Variants in TLL2 observed in about 807,000 individuals in gnomAD.
TLL2 encodes tolloid-like protein 2.
TLL2 carries 106 observed loss-of-function variants against 123.0 expected under a neutral mutation model. That is an observed-to-expected ratio of 0.86 (90% confidence interval 0.74 to 1.01). TLL2 has a LOEUF of 1.01. Ranked by LOEUF, TLL2 falls within the 50% of genes least tolerant of loss-of-function variation. The pLI is 0.00. For synonymous variants in TLL2, 494 were observed against 516.8 expected (o/e 0.96, Z 0.60); for missense variants, 1,332 against 1,336.7 (o/e 1.00, Z 0.06).
In TLL2 at chr10:96,370,191, G is replaced by A. The variant is rs973244513; in HGVS notation, c.2787C>T (p.Tyr929=). ...AGGTCCGGAATGTCAGCTCCACGCC[G>A]TAGCCGTCCTCTGCCACGATCACCC... ...CDWVIVAEDG[Y]GVELTFRTFE... is the part of the protein sequence containing the mutation. Residue 929 remains tyrosine (Y), a synonymous_variant, in exon 20 of 21, where the codon TAC becomes TAT. Transcript: ENST00000357947. 8 of 1,614,032 alleles carry A rather than the reference G, an allele frequency of 5.0e-6. No homozygotes were observed. Among genetic ancestry groups the A allele is most frequent in the Admixed American group, 1.7e-5 (1 of 60,000 alleles).
chr10:96,392,295 C>T (rs1163284716), intron 13 of TLL2, among the ~76,000 whole-genome samples: 1 of 152,132 alleles, frequency 6.6e-6, no homozygotes, highest in Non-Finnish European at 1.5e-5. Flanking sequence ...CTGGCATCTC[C>T]AGTAAGTTTT....
At chr10:96,373,090 A>G (rs1386421501) in intron 19 of TLL2, 1 of 153,620 alleles carries the variant, frequency 6.5e-6, no homozygotes, top group African/African-American at 2.4e-5. Flanking sequence ...GCGTCAATTA[A>G]GGACATTGAA....
chr10:96,444,529 G>C (rs1178398424), intron 3 of TLL2, among the ~76,000 whole-genome samples: 1 of 152,146 alleles, frequency 6.6e-6, no homozygotes, highest in Non-Finnish European at 1.5e-5. Flanking sequence ...GCCTGTATCT[G>C]TATTTATGTT....
intron 3 of TLL2, among the ~76,000 whole-genome samples, chr10:96,436,054 A>G (rs527641470): frequency 9.8e-5 from 15 of 152,292 alleles, no homozygotes; most frequent in Admixed American, 9.8e-4. Flanking sequence ...CTAATAACCT[A>G]TTCTTCATGG....
At position 96,367,725 on chromosome 10, in the gene TLL2, C is replaced by A. The variant is rs2134048001; in HGVS notation, c.*363G>T. 5.2e-6 allele frequency: 1 copy of A among 192,682 alleles called. No individual in the cohort carries two copies. The highest frequency in any genetic ancestry group is 1.1e-4 in the South Asian group (1 of 8,806). 11.9% of individuals were successfully genotyped at this position (192,682 alleles called of 1,614,324 possible). On this transcript the variant is annotated 3_prime_UTR_variant, in exon 21 of 21. Transcript: ENST00000357947. ...CAGCCTGGCACCTTTGCAAGCAAGT[C>A]CAGATTAGAGGAACGGCCAACCCCA...
chr10:96,420,581 C>T (rs1305255773), intron 7 of TLL2, among the ~76,000 whole-genome samples: 1 of 152,208 alleles, frequency 6.6e-6, no homozygotes, highest in Non-Finnish European at 1.5e-5. Flanking sequence ...TTCCAATAAA[C>T]CAAACCTCTG....
At chr10:96,458,459 C>T (rs572541074) in intron 2 of TLL2, among the ~76,000 whole-genome samples, 3 of 151,912 alleles carry the variant, frequency 2.0e-5, no homozygotes, top group Non-Finnish European at 2.9e-5. Flanking sequence ...TGGTGGTGGG[C>T]GCCTGTAATC....
intron 10 of TLL2, among the ~76,000 whole-genome samples, chr10:96,399,297 C>T (rs1383046732): frequency 1.3e-5 from 2 of 152,006 alleles, no homozygotes; most frequent in African/African-American, 4.8e-5. Flanking sequence ...TTTTTAAAGT[C>T]CAATTCACAG....
intron 1 of TLL2, among the ~76,000 whole-genome samples, chr10:96,500,267 G>C (rs1280990500): frequency 1.3e-5 from 2 of 152,008 alleles, no homozygotes; most frequent in Non-Finnish European, 2.9e-5. Context: ...GCAGTGAGCT[G>C]TGATTGCGCC....
At chr10:96,489,795 T>C (rs1847393159) in intron 1 of TLL2, among the ~76,000 whole-genome samples, 1 of 152,136 alleles carries the variant, frequency 6.6e-6, no homozygotes, top group Non-Finnish European at 1.5e-5. Flanking sequence ...GTAAAAATTC[T>C]ATTCAAAATA....
chr10:96,507,977 G>A (rs1847593194), intron 1 of TLL2, among the ~76,000 whole-genome samples: 1 of 152,204 alleles, frequency 6.6e-6, no homozygotes, highest in Non-Finnish European at 1.5e-5. Flanking sequence ...AAGTTAGAAT[G>A]GAAATAAAGA....
chr10:96,393,177 C>T (rs764423446), intron 13 of TLL2, among the ~76,000 whole-genome samples: 19 of 152,182 alleles, frequency 1.2e-4, no homozygotes, highest in Non-Finnish European at 2.2e-4. Flanking sequence ...CCCAGTGAGA[C>T]CCATGTTAGA....
chr10:96,488,326 C>T (rs1329831309), intron 1 of TLL2, among the ~76,000 whole-genome samples: 2 of 152,208 alleles, frequency 1.3e-5, no homozygotes, highest in Non-Finnish European at 2.9e-5. Flanking sequence ...CAGCCCTTAC[C>T]GACAACAGCT....
intron 13 of TLL2, among the ~76,000 whole-genome samples, chr10:96,389,116 C>T (rs12098589): frequency 0.057 from 8,662 of 152,210 alleles, 515 homozygotes; most frequent in African/African-American, 0.15. Flanking sequence ...TAAAAAGTAG[C>T]GGAAAGAGTC....
chr10:96,490,469 C>G (rs1847401232), intron 1 of TLL2, among the ~76,000 whole-genome samples: 1 of 152,164 alleles, frequency 6.6e-6, no homozygotes, highest in South Asian at 2.1e-4. Flanking sequence ...TCTAAGAAAA[C>G]TTACATAGGA....
chr10:96,489,264 C>T (rs1564917939), intron 1 of TLL2, among the ~76,000 whole-genome samples: 1 of 152,342 alleles, frequency 6.6e-6, no homozygotes, highest in South Asian at 2.1e-4. Flanking sequence ...TGCAGTGGCT[C>T]ACCTGTAATC....
At chr10:96,402,158 T>C (rs1051711537) in intron 10 of TLL2, among the ~76,000 whole-genome samples, 3 of 152,244 alleles carry the variant, frequency 2.0e-5, no homozygotes, top group African/African-American at 7.2e-5. Context: ...TATTTCATTA[T>C]AGAATGATAC....
chr10:96,498,643 G>A (rs988480521), intron 1 of TLL2, among the ~76,000 whole-genome samples: 1 of 152,226 alleles, frequency 6.6e-6, no homozygotes, highest in Admixed American at 6.5e-5. Flanking sequence ...CTGTGGCCAA[G>A]TGACTAAGTT....
At chr10:96,407,273 C>A in intron 9 of TLL2, among the ~76,000 whole-genome samples, 1 of 152,090 alleles carries the variant, frequency 6.6e-6, no homozygotes, top group East Asian at 1.9e-4. Context: ...TCAAGTGTCC[C>A]CCTCCTCGAG....
Sources: gnomAD v4.1 joint callset for allele counts (sites outside exome capture counted in the v4.1 genomes callset) on GRCh38, gnomAD v4.1.1 for gene constraint, MANE v1.5 for transcripts, NCBI Gene and HGNC (gene_info 2026-07-23, HGNC 2026-07-21) for gene names.